The following ASPH variants were observed in gnomAD, a reference collection of about 807,000 sequenced individuals.
The protein encoded by ASPH is aspartate beta-hydroxylase.
A neutral mutation model predicts 118.4 loss-of-function variants in ASPH; 100 were observed. The ratio of observed to expected loss-of-function variants is 0.84; its 90% CI spans 0.72 to 1.00. The LOEUF is 1.00. Ranked by LOEUF, ASPH falls within the 50% of genes least tolerant of loss-of-function variation. ASPH has a pLI of 0.00. For missense variants in ASPH, 920 were observed against 919.5 expected (o/e 1.00, Z -0.01); for synonymous variants, 315 against 325.6 (o/e 0.97, Z 0.35).
intron 1 of ASPH, among the ~76,000 whole-genome samples, chr8:61,712,673 T>C (rs2350920): frequency 0.78 from 118,682 of 152,132 alleles, 46,599 homozygotes; most frequent in African/African-American, 0.87. Flanking sequence ...TACTGCATTT[T>C]CTAAACCTAT....
At chr8:61,557,085 C>T (rs1828136507) in intron 18 of ASPH, among the ~76,000 whole-genome samples, 1 of 152,166 alleles carries the variant, frequency 6.6e-6, no homozygotes, top group Non-Finnish European at 1.5e-5. Flanking sequence ...CCACTGCTAC[C>T]CTGACCCAAG....
rs755314544 is a variant in ASPH at position 61,691,661 on chromosome 8, C to T, written c.104-7473G>A. On this transcript the variant is annotated intron_variant, in intron 1 of 24. Coordinates refer to ENST00000379454, the MANE Select transcript of ASPH (RefSeq NM_004318.4). ...GCAGGCAGCTTGGTATGCTTTCATA[C>T]TTAGACACCTGGATTTGCTTCACGG... 8.5e-5 allele frequency among the ~76,000 whole-genome samples: 13 copies of T among 152,184 alleles called. 1 individual carries two copies. The highest frequency in any genetic ancestry group is 5.2e-4 in the Admixed American group (8 of 15,282).
In ASPH at chr8:61,684,092, C is replaced by T. The variant is rs764599709; in HGVS notation, c.200G>A (p.Trp67Ter). The T allele has an allele frequency of 6.2e-7, 1 of 1,613,788 alleles. No homozygotes were observed. The highest frequency in any genetic ancestry group is 8.5e-7 in the Non-Finnish European group (1 of 1,179,790). Residue 67 changes from tryptophan (W) to a stop codon, truncating the protein, a stop_gained, in exon 2 of 25, where the codon TGG (tryptophan) becomes TAG (stop). Transcript: ENST00000379454. LOFTEE classifies it high-confidence loss of function. The stretch of plus-strand genomic sequence containing the variant: ...AAACCAAACGACAGCTACAGATGTC[C>T]AGACGCCCAGCAATGCAATCACCAT... ...WFMVIALLGVWTSVAVVWFDL... is the reference protein window; with the variant it reads ...WFMVIALLGV
At chr8:61,593,081 G>C (rs987363709) in intron 14 of ASPH, among the ~76,000 whole-genome samples, 2 of 152,150 alleles carry the variant, frequency 1.3e-5, no homozygotes, top group Admixed American at 1.3e-4. Context: ...ATTGTGCAAG[G>C]TATTCCCTAC....
At chr8:61,607,578 T>C (rs1228531361) in intron 14 of ASPH, among the ~76,000 whole-genome samples, 3 of 152,070 alleles carry the variant, frequency 2.0e-5, no homozygotes, top group Admixed American at 6.6e-5. Flanking sequence ...AGTACTGTTA[T>C]GCCCTCAGTA....
chr8:61,586,937 A>G (rs1399778540), intron 14 of ASPH, among the ~76,000 whole-genome samples: 1 of 152,214 alleles, frequency 6.6e-6, no homozygotes, highest in Non-Finnish European at 1.5e-5. Flanking sequence ...CGGAACTGCA[A>G]GAGAGGCTCT....
chr8:61,546,664 T>C (rs1300032794), intron 21 of ASPH, among the ~76,000 whole-genome samples: 2 of 152,230 alleles, frequency 1.3e-5, no homozygotes, highest in African/African-American at 2.4e-5. Flanking sequence ...ATGAAGATTA[T>C]AAAGTATGCT....
intron 13 of ASPH, among the ~76,000 whole-genome samples, chr8:61,632,184 C>T (rs764792158): frequency 2.6e-5 from 4 of 152,072 alleles, no homozygotes; most frequent in Non-Finnish European, 5.9e-5. Flanking sequence ...CACCTTATTC[C>T]ATCACCTCAG....
intron 13 of ASPH, among the ~76,000 whole-genome samples, chr8:61,619,242 C>G (rs1457953064): frequency 6.6e-6 from 1 of 152,128 alleles, no homozygotes; most frequent in African/African-American, 2.4e-5. Context: ...AGTCACCAAG[C>G]ACTGACTAGG....
At chr8:61,643,475 A>G in intron 8 of ASPH, 42 bp from the exon 9 acceptor site, 1 of 1,567,294 alleles carries the variant, frequency 6.4e-7, no homozygotes, top group Non-Finnish European at 8.7e-7. Flanking sequence ...GGAAAAAACC[A>G]AACACATTGC....
intron 14 of ASPH, among the ~76,000 whole-genome samples, chr8:61,588,512 T>C (rs1005101830): frequency 1.2e-4 from 18 of 152,236 alleles, no homozygotes; most frequent in Non-Finnish European, 1.9e-4. Context: ...CTATGTCCTA[T>C]ACCCATTCCA....
At chr8:61,696,205 GT>G (rs1466038228) in intron 1 of ASPH, among the ~76,000 whole-genome samples, 1 of 152,174 alleles carries the variant, frequency 6.6e-6, no homozygotes, top group Non-Finnish European at 1.5e-5. Context: ...TCTCTTGACT[GT>G]CCCTGTGTAG....
chr8:61,626,719 TA>T (rs1202583395), intron 13 of ASPH, among the ~76,000 whole-genome samples: 1 of 94,468 alleles, frequency 1.1e-5, no homozygotes, highest in Non-Finnish European at 2.2e-5. Context: ...TAAATTAAAA[TA>T]AATTTTAAAA....
chr8:61,705,242 T>C (rs962714295), intron 1 of ASPH, among the ~76,000 whole-genome samples: 4 of 152,090 alleles, frequency 2.6e-5, no homozygotes, highest in African/African-American at 7.2e-5. Flanking sequence ...TGGGGCCTAC[T>C]TGAGGGTGGA....
rs1160053555 is a variant in ASPH at position 61,690,353 on chromosome 8, G to A, written c.104-6165C>T. Among the ~76,000 whole-genome samples, 51 of 152,284 alleles carry A rather than the reference G, an allele frequency of 3.3e-4. 2 individuals carry two copies. The highest frequency in any genetic ancestry group is 3.4e-3 in the Middle Eastern group (1 of 294). ...AACATAAAATGTTTCACTAGAAAAG[G>A]AGGGACAGAGGACTGGTGGGAAGGA... On this transcript the variant is annotated intron_variant, in intron 1 of 24. Transcript: ENST00000379454.
intron 24 of ASPH, among the ~76,000 whole-genome samples, chr8:61,509,748 A>G (rs921371868): frequency 1.3e-5 from 2 of 151,238 alleles, no homozygotes; most frequent in African/African-American, 4.9e-5. Context: ...CCTTTCCCCT[A>G]CCTCTCCAGT....
chr8:61,562,022 T>C (rs192287069), intron 18 of ASPH, among the ~76,000 whole-genome samples: 4 of 152,308 alleles, frequency 2.6e-5, no homozygotes, highest in East Asian at 3.9e-4. Context: ...TTGAAAACCA[T>C]TGATCAAAGG....
chr8:61,628,323 C>CTTTTTTTTTTTTTT (rs398008041), intron 13 of ASPH: 2 of 178,002 alleles, frequency 1.1e-5, no homozygotes, highest in African/African-American at 1.1e-4. Flanking sequence ...CCAAGCCCGG[C>CTTTTTTTTTTTTTT]TTTTTTTTTT....
intron 13 of ASPH, among the ~76,000 whole-genome samples, chr8:61,626,876 A>G (rs1011200628): frequency 6.6e-6 from 1 of 151,896 alleles, no homozygotes; most frequent in African/African-American, 2.4e-5. Flanking sequence ...TTAGTATCTG[A>G]TTTGTTTTAC....
Sources: gnomAD v4.1 joint callset for allele counts (sites outside exome capture counted in the v4.1 genomes callset) on GRCh38, gnomAD v4.1.1 for gene constraint, MANE v1.5 for transcripts, NCBI Gene and HGNC (gene_info 2026-07-23, HGNC 2026-07-21) for gene names.